The following ADGRD1 variants were observed in gnomAD, a reference collection of about 807,000 sequenced individuals.
The protein encoded by ADGRD1 is G-protein coupled receptor 133.
In ADGRD1, 77 loss-of-function variants were observed where a neutral mutation model predicts 113.4. The observed-to-expected ratio is 0.68, with a 90% CI of 0.57 to 0.82. ADGRD1 has a LOEUF of 0.82. Ranked by LOEUF, ADGRD1 falls within the 40% of genes least tolerant of loss-of-function variation. ADGRD1 has a pLI of 0.00. For missense variants in ADGRD1, 1,036 were observed against 1,139.1 expected, an observed-to-expected ratio of 0.91 and a Z score of 1.30; for synonymous variants, 474 against 475.0, an observed-to-expected ratio of 1.00 and a Z score of 0.03.
chr12:130,994,774 C>T (rs1160464201), intron 8 of ADGRD1, among the ~76,000 whole-genome samples: 1 of 152,232 alleles, frequency 6.6e-6, no homozygotes, highest in Non-Finnish European at 1.5e-5. Flanking sequence ...TGTGCAGCCT[C>T]CGCTCTCTGC....
At chr12:131,077,219 G>A (rs956276060) in intron 14 of ADGRD1, among the ~76,000 whole-genome samples, 6 of 150,998 alleles carry the variant, frequency 4.0e-5, no homozygotes, top group Non-Finnish European at 7.4e-5. Context: ...CCCCCTCGAG[G>A]GTCTTGGAGC....
chr12:131,015,825 G>C (rs1878507076), intron 13 of ADGRD1, among the ~76,000 whole-genome samples: 1 of 152,190 alleles, frequency 6.6e-6, no homozygotes, highest in Non-Finnish European at 1.5e-5. Context: ...CGCGTGTTCT[G>C]TCTGCTCCAT....
chr12:130,986,265 G>A (rs547571684), intron 5 of ADGRD1, among the ~76,000 whole-genome samples: 1 of 152,248 alleles, frequency 6.6e-6, no homozygotes, highest in Admixed American at 6.5e-5. Flanking sequence ...ACAACATTGA[G>A]TCTTTCTGTC....
intron 21 of ADGRD1, among the ~76,000 whole-genome samples, chr12:131,134,559 A>G (rs1951025309): frequency 6.6e-6 from 1 of 152,248 alleles, no homozygotes. Flanking sequence ...GTTGTTTCCC[A>G]GAAACAGGTG....
intron 12 of ADGRD1, among the ~76,000 whole-genome samples, chr12:131,009,143 CTCAACATTA>C: frequency 6.6e-6 from 1 of 152,228 alleles, no homozygotes; most frequent in East Asian, 1.9e-4. Context: ...GGTGGCCACA[CTCAACATTA>C]TCAACGTGGG....
intron 20 of ADGRD1, among the ~76,000 whole-genome samples, chr12:131,131,318 C>A (rs1029722811): frequency 6.6e-6 from 1 of 152,230 alleles, no homozygotes; most frequent in African/African-American, 2.4e-5. Flanking sequence ...TGTGCCGGGG[C>A]CTGGCACATT....
At chr12:131,006,951 G>C (rs993018753) in intron 12 of ADGRD1, among the ~76,000 whole-genome samples, 5 of 152,176 alleles carry the variant, frequency 3.3e-5, no homozygotes, top group African/African-American at 9.7e-5. Context: ...CAGTTATTTG[G>C]GGAGATCTTT....
intron 14 of ADGRD1, among the ~76,000 whole-genome samples, chr12:131,080,745 C>T (rs1231160201): frequency 2.0e-5 from 3 of 152,128 alleles, no homozygotes; most frequent in Non-Finnish European, 4.4e-5. Flanking sequence ...CTCAGCCTCC[C>T]GAGTAGCTGG....
intron 13 of ADGRD1, among the ~76,000 whole-genome samples, chr12:131,039,562 G>A (rs1323672691): frequency 6.6e-6 from 1 of 152,228 alleles, no homozygotes; most frequent in East Asian, 1.9e-4. Flanking sequence ...TGAACATCTG[G>A]TCCTGGAGGC....
intron 13 of ADGRD1, among the ~76,000 whole-genome samples, chr12:131,028,978 G>A (rs1045925143): frequency 2.0e-5 from 3 of 152,190 alleles, no homozygotes; most frequent in East Asian, 3.9e-4. Context: ...GGTGGGGCTC[G>A]GCAGTGCCGC....
At chr12:131,053,168 C>T (rs1247096245) in intron 13 of ADGRD1, among the ~76,000 whole-genome samples, 4 of 152,182 alleles carry the variant, frequency 2.6e-5, no homozygotes, top group Non-Finnish European at 5.9e-5. Flanking sequence ...AATTTACAGT[C>T]CTTCTGGTAG....
At chr12:131,086,445 C>T (rs1291779030) in intron 15 of ADGRD1, among the ~76,000 whole-genome samples, 1 of 152,216 alleles carries the variant, frequency 6.6e-6, no homozygotes, top group East Asian at 1.9e-4. Context: ...GCGCTCAGCC[C>T]AGGCGCCCCT....
At chr12:131,118,007 G>T (rs968181793) in intron 18 of ADGRD1, among the ~76,000 whole-genome samples, 1 of 152,226 alleles carries the variant, frequency 6.6e-6, no homozygotes, top group Non-Finnish European at 1.5e-5. Context: ...GCCATTGCCA[G>T]TTGTCTCTTG....
At chr12:130,980,121 T>G (rs1415713122) in intron 4 of ADGRD1, among the ~76,000 whole-genome samples, 1 of 151,664 alleles carries the variant, frequency 6.6e-6, no homozygotes, top group Non-Finnish European at 1.5e-5. Flanking sequence ...TTTTTTTTTT[T>G]TGAGACGGAG....
intron 13 of ADGRD1, among the ~76,000 whole-genome samples, chr12:131,019,481 A>G (rs1022137150): frequency 3.9e-5 from 6 of 152,256 alleles, no homozygotes; most frequent in African/African-American, 1.4e-4. Flanking sequence ...TGAAGTTTTA[A>G]TTCAACATTG....
chr12:131,111,231 C>G (rs935720291), intron 18 of ADGRD1, among the ~76,000 whole-genome samples: 4 of 152,080 alleles, frequency 2.6e-5, no homozygotes, highest in African/African-American at 9.7e-5. Flanking sequence ...TAGCTGGGAC[C>G]ACAGGTACAG....
chr12:131,101,203 A>G (rs1593215818), intron 15 of ADGRD1, among the ~76,000 whole-genome samples: 1 of 151,532 alleles, frequency 6.6e-6, no homozygotes, highest in African/African-American at 2.4e-5. Context: ...AGGGGTGGGG[A>G]GGAGCCAGGG....
At chr12:130,986,365 A>G (rs916935386) in intron 5 of ADGRD1, among the ~76,000 whole-genome samples, 4 of 152,148 alleles carry the variant, frequency 2.6e-5, no homozygotes, top group African/African-American at 9.7e-5. Context: ...TAGCTTATAA[A>G]TGTATTGTTA....
intron 14 of ADGRD1, among the ~76,000 whole-genome samples, chr12:131,077,630 C>CT (rs1318963008): frequency 5.3e-5 from 8 of 152,146 alleles, no homozygotes; most frequent in African/African-American, 1.9e-4. Context: ...GTGGGGCCTC[C>CT]GGATCCTCAG....
Sources: gnomAD v4.1 joint callset for allele counts (sites outside exome capture counted in the v4.1 genomes callset) on GRCh38, gnomAD v4.1.1 for gene constraint, MANE v1.5 for transcripts, NCBI Gene and HGNC (gene_info 2026-07-23, HGNC 2026-07-21) for gene names.